The following PKD2 variants were observed in gnomAD, a reference collection of about 807,000 sequenced individuals.
The protein encoded by PKD2 is polycystin-2.
A neutral mutation model predicts 105.9 loss-of-function variants in PKD2; 48 were observed. The ratio of observed to expected loss-of-function variants is 0.45; its 90% confidence interval spans 0.36 to 0.58. PKD2 has a LOEUF of 0.58. PKD2 is among the 20% of genes least tolerant of loss of function. The pLI is 0.00. For missense variants in PKD2, 1,078 were observed against 1,255.3 expected (o/e 0.86, Z 2.13); for synonymous variants, 464 against 481.1 (o/e 0.96, Z 0.46).
chr4:88,067,553 C>A (rs2110140712), intron 12 of PKD2, among the ~76,000 whole-genome samples: 1 of 152,212 alleles, frequency 6.6e-6, no homozygotes, highest in Middle Eastern at 3.4e-3. Context: ...CCAGGCCAGT[C>A]TCAAACTCCT....
At chr4:88,036,515 AGGGG>A in intron 3 of PKD2, 162 bp downstream of exon 3, 1 of 697,482 alleles carries the variant, frequency 1.4e-6, no homozygotes, top group Non-Finnish European at 1.8e-6. Context: ...CTACTCTCAA[AGGGG>A]GTAAACTAAC....
intron 2 of PKD2, among the ~76,000 whole-genome samples, chr4:88,021,222 G>A (rs950607771): frequency 1.3e-5 from 2 of 152,180 alleles, no homozygotes; most frequent in African/African-American, 4.8e-5. Flanking sequence ...AACTGACTGA[G>A]CATTAGAATC....
chr4:88,058,015 T>C lies in PKD2; in HGVS notation c.1931T>C (p.Ile644Thr), dbSNP rs137929700. 8.2e-6 allele frequency: 13 copies of C among 1,593,548 alleles called. No individual in the cohort carries two copies. Among genetic ancestry groups the C allele is most frequent in the South Asian group, 1.1e-5 (1 of 90,676 alleles). ...CAATTCCGTATCATTTTGGGCGATA[T>C]CAACTTTGCAGAGATTGAGGAAGCT... ...FTQFRIILGD[I>T]NFAEIEEANR... Residue 644 changes from isoleucine (I) to threonine (T), a missense_variant, in exon 9 of 15, where the codon ATC (isoleucine) becomes ACC (threonine). Physicochemically the swap from Ile to Thr is moderately conservative, Grantham distance 89. Transcript: ENST00000237596.
At position 88,070,603 on chromosome 4, in the gene PKD2, G is replaced by T. The variant is rs11935326; in HGVS notation, c.2522+2542G>T. On this transcript the variant is annotated intron_variant, in intron 13 of 14. Transcript: ENST00000237596. ...ATATATATATATATATATATATATAGAGAGAGAGAGAGAGAGAGAGAGAGA... is the reference window on the plus strand; with the variant it reads ...ATATATATATATATATATATATATATAGAGAGAGAGAGAGAGAGAGAGAGA... Among the ~76,000 whole-genome samples, 743 of 101,466 alleles carry T rather than the reference G, an allele frequency of 7.3e-3. 4 individuals carry two copies. The highest frequency in any genetic ancestry group is 0.015 in the East Asian group (45 of 2,916). The allele number at this position is 101,466 out of a possible 152,430, so 66.6% of individuals were successfully genotyped here. A position where few individuals can be genotyped will look rare whatever the true frequency, so the allele number is the denominator to read the frequency against.
At chr4:88,038,192 CA>C in intron 3 of PKD2, 58 bp from the exon 4 acceptor site, 1 of 1,581,632 alleles carries the variant, frequency 6.3e-7, no homozygotes, top group South Asian at 1.1e-5. Context: ...ACGATGCAGG[CA>C]GGGGCAAGAC....
chr4:88,062,710 T>C (rs1720621708), intron 10 of PKD2, among the ~76,000 whole-genome samples: 2 of 152,210 alleles, frequency 1.3e-5, no homozygotes, highest in African/African-American at 2.4e-5. Flanking sequence ...TGCTAAGTCA[T>C]AGTGGCTCCT....
intron 1 of PKD2, among the ~76,000 whole-genome samples, chr4:88,017,576 A>C (rs1407862366): frequency 6.6e-6 from 1 of 151,980 alleles, no homozygotes; most frequent in Non-Finnish European, 1.5e-5. Flanking sequence ...CACCTGGCTA[A>C]GTTTTGTATT....
chr4:88,038,535 AT>A, intron 4 of PKD2, 34 bp downstream of exon 4: 2 of 1,608,924 alleles, frequency 1.2e-6, no homozygotes, highest in Non-Finnish European at 1.7e-6. Flanking sequence ...ACTCGGTGAT[AT>A]TCATTCATTT....
chr4:88,041,607 GATTA>G lies in PKD2; in HGVS notation c.1095-1621_1095-1618del, dbSNP rs533850393. Reference sequence around the variant, plus strand: ...ACATGTGTGAAATGTCTATCAGAGAGATTAATTAGAGACTCAGTGCCTGGGGTGT... The same window carrying G: ...ACATGTGTGAAATGTCTATCAGAGAGATTAGAGACTCAGTGCCTGGGGTGT... On this transcript the variant is annotated intron_variant, in intron 4 of 14. Coordinates refer to ENST00000237596, the MANE Select transcript of PKD2 (RefSeq NM_000297.4). Among the ~76,000 whole-genome samples, 26 of 152,330 alleles carry G rather than the reference GATTA, an allele frequency of 1.7e-4. No individual in the cohort carries two copies. The East Asian group carries it at 3.5e-3, about 20-fold the overall frequency.
In PKD2 at chr4:88,065,408, A is replaced by G; in HGVS notation, c.2153A>G (p.Lys718Arg). ...AAAGCTTTGGTCAAACTAAAACTGAAAAAAAATACCGTGGATGACATTTCA... is the reference window on the plus strand; with the variant it reads ...AAAGCTTTGGTCAAACTAAAACTGAGAAAAAATACCGTGGATGACATTTCA... ...YHKALVKLKL[K>R]KNTVDDISES... is the part of the protein sequence containing the mutation. Residue 718 changes from lysine to arginine, a missense_variant, in exon 11 of 15, where the codon AAA becomes AGA. Transcript: ENST00000237596. 1 of 1,613,044 alleles carries G rather than the reference A, an allele frequency of 6.2e-7. No individual in the cohort carries two copies.
At chr4:88,023,790 T>G (rs1189651067) in intron 2 of PKD2, among the ~76,000 whole-genome samples, 1 of 152,202 alleles carries the variant, frequency 6.6e-6, no homozygotes, top group Non-Finnish European at 1.5e-5. Flanking sequence ...TGCCAAAGAT[T>G]GTTGAGAATG....
chr4:88,064,465 A>G (rs1245114624), intron 10 of PKD2, among the ~76,000 whole-genome samples: 1 of 152,202 alleles, frequency 6.6e-6, no homozygotes, highest in African/African-American at 2.4e-5. Context: ...GTTTTGATTA[A>G]AAGTTGTAAA....
rs1721221974 is a variant in PKD2 at position 88,075,960 on chromosome 4, A to C, written c.*266A>C. 2.4e-6 allele frequency: 1 copy of C among 413,460 alleles called. No homozygotes were observed. Among genetic ancestry groups the C allele is most frequent in the African/African-American group, 2.0e-5 (1 of 49,750 alleles). The allele number at this position is 413,460 out of a possible 1,614,324, so 25.6% of individuals were successfully genotyped here. ...ATGATGTGTATTGAGCGGTACGCCCAGTTGCCACCATGACTGAGTCTTCTC... is the reference window on the plus strand; with the variant it reads ...ATGATGTGTATTGAGCGGTACGCCCCGTTGCCACCATGACTGAGTCTTCTC... On this transcript the variant is annotated 3_prime_UTR_variant, in exon 15 of 15. Transcript: ENST00000237596.
At chr4:88,010,118 G>A (rs11934325) in intron 1 of PKD2, among the ~76,000 whole-genome samples, 4,055 of 150,662 alleles carry the variant, frequency 0.027, 64 homozygotes, top group South Asian at 0.046. Flanking sequence ...TTTAAGAGTC[G>A]GGGTTTCACT....
chr4:88,043,102 G>A (rs1356811280), intron 4 of PKD2, 131 bp from the exon 5 acceptor site: 2 of 687,518 alleles, frequency 2.9e-6, no homozygotes, highest in Non-Finnish European at 5.2e-6. Context: ...TGAACTGCCA[G>A]GTCAGGCACA....
At chr4:88,012,060 A>G (rs145899340) in intron 1 of PKD2, among the ~76,000 whole-genome samples, 214 of 152,284 alleles carry the variant, frequency 1.4e-3, no homozygotes, top group Middle Eastern at 6.8e-3. Flanking sequence ...CACACACACT[A>G]CAAAGCATTC....
chr4:88,025,016 C>T (rs777025257), intron 2 of PKD2, among the ~76,000 whole-genome samples: 1 of 152,064 alleles, frequency 6.6e-6, no homozygotes. Context: ...GCCTGTAATC[C>T]CAGCTACTTG....
At chr4:88,043,003 A>G (rs533446051) in intron 4 of PKD2, among the ~76,000 whole-genome samples, 1 of 152,266 alleles carries the variant, frequency 6.6e-6, no homozygotes, top group East Asian at 1.9e-4. Flanking sequence ...CTGCCCTCAA[A>G]AGCTTTGGGA....
At chr4:88,038,612 C>T in intron 4 of PKD2, 111 bp downstream of exon 4, 2 of 1,127,258 alleles carry the variant, frequency 1.8e-6, no homozygotes, top group Non-Finnish European at 2.7e-6. Context: ...AAAATAAGTT[C>T]AGTGACTCTT....
Sources: gnomAD v4.1 joint callset for allele counts (sites outside exome capture counted in the v4.1 genomes callset) on GRCh38, gnomAD v4.1.1 for gene constraint, MANE v1.5 for transcripts, NCBI Gene and HGNC (gene_info 2026-07-23, HGNC 2026-07-21) for gene names.